Variants in ZNF654 observed in about 807,000 individuals in gnomAD.
ZNF654 encodes the protein melanoma-associated antigen.
ZNF654 carries 19 observed loss-of-function variants against 95.3 expected under a neutral mutation model. The observed-to-expected ratio is 0.20, with a 90% CI of 0.14 to 0.29. The LOEUF is 0.29. Among genes scored for constraint, ZNF654 ranks in the 10% least tolerant of loss-of-function variants. ZNF654 has a pLI of 1.00. For synonymous variants in ZNF654, 413 were observed against 457.9 expected, an observed-to-expected ratio of 0.90 and a Z score of 1.25; for missense variants, 1,046 against 1,341.0, an observed-to-expected ratio of 0.78 and a Z score of 3.44.
chr3:88,097,234 C>T (rs1704118689), intron 2 of ZNF654, among the ~76,000 whole-genome samples: 1 of 152,110 alleles, frequency 6.6e-6, no homozygotes, highest in Admixed American at 6.6e-5. Context: ...ACTTATCACA[C>T]ATTTATACAA....
chr3:88,113,825 T>G (rs202031723), intron 3 of ZNF654, among the ~76,000 whole-genome samples: 1 of 9,300 alleles, frequency 1.1e-4, no homozygotes, highest in East Asian at 6.3e-3. Flanking sequence ...ACAACATATC[T>G]TATATTTGTT....
chr3:88,109,942 A>C (rs1031877112), intron 2 of ZNF654, among the ~76,000 whole-genome samples: 1 of 152,192 alleles, frequency 6.6e-6, no homozygotes, highest in Non-Finnish European at 1.5e-5. Flanking sequence ...ATTTTTAAAA[A>C]AATCTTCATA....
intron 2 of ZNF654, among the ~76,000 whole-genome samples, chr3:88,103,782 T>G (rs1345137202): frequency 6.8e-6 from 1 of 147,952 alleles, no homozygotes; most frequent in Admixed American, 6.7e-5. Flanking sequence ...TTTTTTTTTT[T>G]TTGAGATGGA....
chr3:88,076,559 T>G (rs996973896), intron 1 of ZNF654, among the ~76,000 whole-genome samples: 2 of 152,198 alleles, frequency 1.3e-5, no homozygotes, highest in African/African-American at 4.8e-5. Context: ...TAATTGTGAG[T>G]GCATCATCTG....
Position 88,098,193 on chromosome 3 carries a change from C to T in ZNF654, c.332+11791C>T, listed in dbSNP as rs184908387. Reference sequence around the variant, plus strand: ...AAATACAAACTGCCATCAGAGAATACTATAAACACCTCTACACAAATAAAC... The same window carrying T: ...AAATACAAACTGCCATCAGAGAATATTATAAACACCTCTACACAAATAAAC... On this transcript the variant is annotated intron_variant, in intron 2 of 8. Coordinates refer to ENST00000636215, the MANE Select transcript of ZNF654 (RefSeq NM_001350134.2). Among the ~76,000 whole-genome samples the T allele has an allele frequency of 2.4e-3, 369 of 152,276 alleles. 3 individuals carry two copies. Among genetic ancestry groups the T allele is most frequent in the African/African-American group, 8.2e-3 (340 of 41,550 alleles).
At chr3:88,068,909 T>C (rs761274843) in intron 1 of ZNF654, among the ~76,000 whole-genome samples, 1 of 152,090 alleles carries the variant, frequency 6.6e-6, no homozygotes, top group Non-Finnish European at 1.5e-5. Flanking sequence ...TGCAATACAA[T>C]ACATTGTATT....
intron 2 of ZNF654, among the ~76,000 whole-genome samples, chr3:88,103,762 CTTTTTTT>C (rs56210218): frequency 1.2e-5 from 1 of 83,368 alleles, no homozygotes; most frequent in Non-Finnish European, 2.4e-5. Context: ...GATGTATTAA[CTTTTTTT>C]TTTTTTTTTT....
intron 1 of ZNF654, among the ~76,000 whole-genome samples, chr3:88,071,617 CAGAGCGAGACTCCATCTCAA>C (rs1707517265): frequency 1.4e-5 from 2 of 148,008 alleles, no homozygotes; most frequent in Non-Finnish European, 3.0e-5. Context: ...GCCTGGGTGA[CAGAGCGAGACTCCATCTCAA>C]AAACAAACAA....
chr3:88,108,203 G>GTT (rs879906166), intron 2 of ZNF654, among the ~76,000 whole-genome samples: 5 of 146,228 alleles, frequency 3.4e-5, no homozygotes, highest in African/African-American at 7.5e-5. Flanking sequence ...TTTCAAAGTA[G>GTT]TTTTTTTTTT....
At chr3:88,130,035 A>C (rs1706354111) in intron 6 of ZNF654, among the ~76,000 whole-genome samples, 1 of 152,346 alleles carries the variant, frequency 6.6e-6, no homozygotes, top group South Asian at 2.1e-4. Context: ...TAAATGTTTA[A>C]GGGATGTGCT....
intron 2 of ZNF654, 76 bp downstream of exon 2, chr3:88,086,478 T>C (rs1489265141): frequency 1.6e-6 from 2 of 1,254,720 alleles, no homozygotes; most frequent in Admixed American, 6.2e-5. Flanking sequence ...TAATTTCTTC[T>C]GAAGAAGAAA....
chr3:88,082,026 A>G (rs1576227471), intron 1 of ZNF654, among the ~76,000 whole-genome samples: 2 of 152,304 alleles, frequency 1.3e-5, no homozygotes, highest in East Asian at 3.9e-4. Context: ...CACAGATTGT[A>G]TTAGTCTGCG....
chr3:88,098,698 A>G (rs942744140), intron 2 of ZNF654, among the ~76,000 whole-genome samples: 20 of 152,344 alleles, frequency 1.3e-4, no homozygotes, highest in Middle Eastern at 6.8e-3. Flanking sequence ...AATAAACGTA[A>G]TCCAGCATAT....
intron 3 of ZNF654, among the ~76,000 whole-genome samples, chr3:88,116,735 G>C (rs993136345): frequency 6.6e-6 from 1 of 151,980 alleles, no homozygotes; most frequent in African/African-American, 2.4e-5. Context: ...AGGTAAGAAA[G>C]TCTTATAAGA....
intron 3 of ZNF654, among the ~76,000 whole-genome samples, chr3:88,121,723 A>T (rs560108795): frequency 1.3e-5 from 2 of 152,340 alleles, no homozygotes; most frequent in African/African-American, 4.8e-5. Flanking sequence ...ATTTCAAAGT[A>T]TTATAAAGAC....
Position 88,139,986 on chromosome 3 carries a change from A to G in ZNF654, c.2317A>G (p.Thr773Ala), listed in dbSNP as rs769937412. ...TAAACATGCAATGACCGTACATCCA[A>G]CCGATTTAAATGTGCGACAAACAGT... ...LNKHAMTVHP[T>A]DLNVRQTVMK... Residue 773 changes from threonine to alanine, a missense_variant, in exon 8 of 9, where the codon ACC becomes GCC. Physicochemically the swap from Thr to Ala is moderately conservative, Grantham distance 58. Coordinates refer to ENST00000636215, the MANE Select transcript of ZNF654 (RefSeq NM_001350134.2). 2.9e-5 allele frequency: 46 copies of G among 1,613,794 alleles called. No homozygotes were observed. Among genetic ancestry groups the G allele is most frequent in the Admixed American group, 5.0e-5 (3 of 59,958 alleles).
intron 1 of ZNF654, among the ~76,000 whole-genome samples, chr3:88,063,034 A>G (rs1239723730): frequency 6.6e-6 from 1 of 152,240 alleles, no homozygotes; most frequent in African/African-American, 2.4e-5. Context: ...GGTGAAACAC[A>G]ATGATTTGTA....
rs1003423825 is a variant in ZNF654 at position 88,142,597 on chromosome 3, G to A, written c.*945G>A. The A allele has an allele frequency of 2.0e-5, 3 of 152,372 alleles. No individual in the cohort carries two copies. The highest frequency in any genetic ancestry group is 7.2e-5 in the African/African-American group (3 of 41,438). 9.4% of individuals were successfully genotyped at this position (152,372 alleles called of 1,614,324 possible). ...ATAGTAAGGTCCTTTAGACATTAAT[G>A]TGAGTTATCTAAGTACAGTCCTATT... On this transcript the variant is annotated 3_prime_UTR_variant, in exon 9 of 9. Coordinates refer to ENST00000636215, the MANE Select transcript of ZNF654 (RefSeq NM_001350134.2).
chr3:88,082,940 T>A (rs901352267), intron 1 of ZNF654, among the ~76,000 whole-genome samples: 1 of 152,130 alleles, frequency 6.6e-6, no homozygotes, highest in Non-Finnish European at 1.5e-5. Flanking sequence ...GCAGATGACC[T>A]GTGTGCTCAC....
Sources: allele counts gnomAD v4.1 joint callset (sites outside exome capture counted in the v4.1 genomes callset), GRCh38; gene constraint gnomAD v4.1.1; transcripts MANE v1.5; gene names NCBI Gene and HGNC (gene_info 2026-07-23, HGNC 2026-07-21).